POU2F1: variants seen among roughly 807,000 people sequenced by gnomAD.
POU2F1 encodes the protein POU domain, class 2, transcription factor 1.
POU2F1 carries 16 observed loss-of-function variants against 84.9 expected under a neutral mutation model. The observed-to-expected ratio is 0.19, with a 90% CI of 0.13 to 0.29. The LOEUF is 0.29. POU2F1 is among the 10% of genes least tolerant of loss of function. POU2F1 has a pLI of 1.00. For synonymous variants in POU2F1, 368 were observed against 368.3 expected (o/e 1.00, Z 0.01); for missense variants, 738 against 942.6 (o/e 0.78, Z 2.84).
chr1:167,324,658 A>C (rs1233821677), intron 1 of POU2F1, among the ~76,000 whole-genome samples: 1 of 151,898 alleles, frequency 6.6e-6, no homozygotes, highest in Non-Finnish European at 1.5e-5. Context: ...TGAGTCCCCA[A>C]CCCCCACCAT....
At chr1:167,310,628 A>T (rs1280983439) in intron 1 of POU2F1, among the ~76,000 whole-genome samples, 2 of 152,194 alleles carry the variant, frequency 1.3e-5, no homozygotes, top group Non-Finnish European at 2.9e-5. Flanking sequence ...AAAAATGTTT[A>T]ATATAAAATG....
chr1:167,290,728 C>G (rs1458845785), intron 1 of POU2F1, among the ~76,000 whole-genome samples: 1 of 152,128 alleles, frequency 6.6e-6, no homozygotes, highest in African/African-American at 2.4e-5. Context: ...AAAAGATCGG[C>G]AAAACATTGA....
At chr1:167,341,283 T>G (rs1657830186) in intron 2 of POU2F1, among the ~76,000 whole-genome samples, 1 of 152,158 alleles carries the variant, frequency 6.6e-6, no homozygotes, top group Non-Finnish European at 1.5e-5. Context: ...AAAGGATATT[T>G]AAATATATTT....
chr1:167,408,473 G>A (rs573986740), intron 13 of POU2F1, among the ~76,000 whole-genome samples: 11 of 152,094 alleles, frequency 7.2e-5, no homozygotes, highest in Middle Eastern at 3.4e-3. Context: ...TCATCAACTG[G>A]TGAATGAATA....
rs745405885 is a variant in POU2F1 at position 167,415,635 on chromosome 1, C to A, written c.2126C>A (p.Thr709Asn). The change falls in exon 16 of 16, where the codon ACC becomes AAC. Residue 709 changes from threonine to asparagine, a missense_variant. Physicochemically the swap from Thr to Asn is moderately conservative, Grantham distance 65. Transcript: ENST00000367866. ...FLNPQNLSLL[T>N]SNPVSLVSAA... ...AACCCTCAGAACCTCTCTCTGCTCA[C>A]CAGCAACCCTGTTAGCTTGGTCTCT... The A allele has an allele frequency of 6.2e-7, 1 of 1,614,214 alleles. No individual in the cohort carries two copies. The highest frequency in any genetic ancestry group is 8.5e-7 in the Non-Finnish European group (1 of 1,180,034).
intron 2 of POU2F1, among the ~76,000 whole-genome samples, chr1:167,347,111 A>T (rs906586105): frequency 1.3e-5 from 2 of 152,216 alleles, no homozygotes; most frequent in Middle Eastern, 3.2e-3. Context: ...AGATATTGTC[A>T]TTATTTCCTA....
At chr1:167,326,742 C>G (rs1571306745) in intron 1 of POU2F1, among the ~76,000 whole-genome samples, 2 of 152,214 alleles carry the variant, frequency 1.3e-5, no homozygotes, top group Non-Finnish European at 2.9e-5. Flanking sequence ...GGAGGAGGCT[C>G]TTTCACTAGG....
chr1:167,356,281 G>C (rs988281445), intron 2 of POU2F1, among the ~76,000 whole-genome samples: 1 of 150,258 alleles, frequency 6.7e-6, no homozygotes, highest in African/African-American at 2.4e-5. Flanking sequence ...GATTACAGGC[G>C]TGAGCCACCC....
At chr1:167,269,472 A>G (rs1652207549) in intron 1 of POU2F1, among the ~76,000 whole-genome samples, 1 of 152,228 alleles carries the variant, frequency 6.6e-6, no homozygotes, top group South Asian at 2.1e-4. Context: ...ATATTCTTTG[A>G]AAGAAATCGG....
In POU2F1 at chr1:167,416,149, T is replaced by C; in HGVS notation, c.*339T>C. 2.4e-6 allele frequency: 1 copy of C among 415,636 alleles called. No individual in the cohort carries two copies. Among genetic ancestry groups the C allele is most frequent in the South Asian group, 2.1e-5 (1 of 48,746 alleles). 25.7% of individuals were successfully genotyped at this position (415,636 alleles called of 1,614,324 possible). On this transcript the variant is annotated 3_prime_UTR_variant, in exon 16 of 16. Transcript: ENST00000367866. ...AACAAACAAAAATAAGTGAAAGGAC[T>C]ACTTATCATTTCCAGCAGTCATGAT...
chr1:167,281,220 G>C (rs1166836724), intron 1 of POU2F1, among the ~76,000 whole-genome samples: 2 of 152,150 alleles, frequency 1.3e-5, no homozygotes. Flanking sequence ...AATATTTAAA[G>C]CGTCTTATTC....
intron 8 of POU2F1, chr1:167,387,183 C>T (rs763028867): frequency 2.2e-6 from 1 of 456,066 alleles, no homozygotes; most frequent in South Asian, 1.5e-5. Flanking sequence ...ATTTCTAGAT[C>T]TGGCCCAGTC....
intron 7 of POU2F1, among the ~76,000 whole-genome samples, chr1:167,382,344 G>T (rs940244622): frequency 2.0e-5 from 3 of 152,180 alleles, no homozygotes; most frequent in Admixed American, 2.0e-4. Flanking sequence ...ACCACACCTA[G>T]AATCTGAAGA....
intron 1 of POU2F1, among the ~76,000 whole-genome samples, chr1:167,308,384 C>T (rs576479880): frequency 8.6e-5 from 13 of 151,434 alleles, no homozygotes; most frequent in Admixed American, 5.3e-4. Context: ...TGACTGATTA[C>T]GTTACCTTTG....
chr1:167,390,430 T>G (rs1166707959), intron 9 of POU2F1, among the ~76,000 whole-genome samples: 1 of 152,044 alleles, frequency 6.6e-6, no homozygotes, highest in Non-Finnish European at 1.5e-5. Flanking sequence ...ATTGAGAGAG[T>G]AAAGATTACG....
chr1:167,412,507 T>G (rs1650038672), intron 14 of POU2F1, among the ~76,000 whole-genome samples: 1 of 152,208 alleles, frequency 6.6e-6, no homozygotes, highest in South Asian at 2.1e-4. Flanking sequence ...GGAAGGGCAG[T>G]AGTCATACCT....
At chr1:167,408,862 T>G (rs1649766031) in intron 13 of POU2F1, among the ~76,000 whole-genome samples, 1 of 152,238 alleles carries the variant, frequency 6.6e-6, no homozygotes, top group African/African-American at 2.4e-5. Context: ...TGTTAAAATG[T>G]CTACTAACAT....
rs885458 is a variant in POU2F1 at position 167,424,398 on chromosome 1, G to A, written c.*8588G>A. The A allele has an allele frequency of 0.44, 67,023 of 152,208 alleles. 15,079 individuals are homozygous for A. Among genetic ancestry groups the A allele is most frequent in the Middle Eastern group, 0.56 (166 of 294 alleles). 9.4% of individuals were successfully genotyped at this position (152,208 alleles called of 1,614,324 possible). A position where few individuals can be genotyped will look rare whatever the true frequency, so the allele number is the denominator to read the frequency against. ...CTCAGTCCGCAGGAGGTCTCACTCC[G>A]CAGGAAACGCTCTCCTCCCGCATAA... On this transcript the variant is annotated 3_prime_UTR_variant, in exon 16 of 16. Transcript: ENST00000367866.
At chr1:167,404,850 G>A (rs924628123) in intron 13 of POU2F1, among the ~76,000 whole-genome samples, 3 of 152,004 alleles carry the variant, frequency 2.0e-5, no homozygotes, top group Non-Finnish European at 4.4e-5. Flanking sequence ...TCTCATTTCT[G>A]CAAATCTGTC....
Sources: gnomAD v4.1 joint callset for allele counts (sites outside exome capture counted in the v4.1 genomes callset) on GRCh38, gnomAD v4.1.1 for gene constraint, MANE v1.5 for transcripts, NCBI Gene and HGNC (gene_info 2026-07-23, HGNC 2026-07-21) for gene names.